The following ELSPBP1 variants were observed in gnomAD, a reference collection of about 807,000 sequenced individuals.
ELSPBP1 encodes the protein epididymal sperm binding protein 1.
Under a neutral mutation model 33.3 loss-of-function variants are expected in ELSPBP1, and 38 were observed. That is an observed-to-expected ratio of 1.14 (90% CI 0.88 to 1.50). The LOEUF is 1.50. ELSPBP1 is among the 40% of genes most tolerant of loss of function. The pLI, the probability that ELSPBP1 is intolerant of heterozygous loss-of-function variation, is 0.00. For synonymous variants in ELSPBP1, 85 were observed against 94.1 expected (o/e 0.90, Z 0.56); for missense variants, 267 against 263.5 (o/e 1.01, Z -0.09).
intron 1 of ELSPBP1, among the ~76,000 whole-genome samples, chr19:48,003,202 G>A (rs1296003156): frequency 2.0e-5 from 3 of 152,144 alleles, no homozygotes; most frequent in Non-Finnish European, 2.9e-5. Flanking sequence ...ATTTTGAATG[G>A]CCCCTAAAAT....
At chr19:47,996,781 A>C (rs1186579041) in intron 1 of ELSPBP1, among the ~76,000 whole-genome samples, 1 of 152,184 alleles carries the variant, frequency 6.6e-6, no homozygotes, top group Non-Finnish European at 1.5e-5. Context: ...TTTTCAGGAA[A>C]GTTTGAAAGC....
chr19:48,023,340 GGGAGGAAGGAAA>G (rs1967224384), intron 6 of ELSPBP1, among the ~76,000 whole-genome samples: 5 of 133,390 alleles, frequency 3.7e-5, no homozygotes, highest in Admixed American at 8.0e-5. Context: ...AAGGAAGGGA[GGGAGGAAGGAAA>G]GAAGGAAGGG....
intron 4 of ELSPBP1, among the ~76,000 whole-genome samples, 160 bp downstream of exon 4, chr19:48,016,199 G>C (rs1301739312): frequency 1.3e-5 from 2 of 152,226 alleles, no homozygotes; most frequent in African/African-American, 4.8e-5. Flanking sequence ...GACAACGACA[G>C]ACAGGGGTAT....
intron 1 of ELSPBP1, among the ~76,000 whole-genome samples, chr19:48,003,604 T>G (rs1426796807): frequency 6.6e-6 from 1 of 150,404 alleles, no homozygotes; most frequent in African/African-American, 2.4e-5. Flanking sequence ...TGGCACGATC[T>G]CGGCTCACTG....
intron 6 of ELSPBP1, among the ~76,000 whole-genome samples, chr19:48,024,036 AT>A (rs111833936): frequency 0.41 from 54,197 of 131,266 alleles, 11,109 homozygotes; most frequent in East Asian, 0.73. Flanking sequence ...ATGCCCAGCA[AT>A]TTTTTTTTTT....
At position 48,011,298 on chromosome 19, in the gene ELSPBP1, C is replaced by A. The variant is rs1967075365; in HGVS notation, c.70+2561C>A. Reference sequence around the variant, plus strand: ...ACGATGATGATCACCATGATAATGACAATAATGAGGTTGATAATGATGGTG... The same window carrying A: ...ACGATGATGATCACCATGATAATGAAAATAATGAGGTTGATAATGATGGTG... On this transcript the variant is annotated intron_variant, in intron 2 of 6. Coordinates refer to ENST00000339841, the MANE Select transcript of ELSPBP1 (RefSeq NM_022142.5). This position sits in a 1 kb window ranked among gnomAD's most constrained non-coding sequence, Gnocchi z 4.5. 6.7e-6 allele frequency among the ~76,000 whole-genome samples: 1 copy of A among 149,846 alleles called. No individual in the cohort carries two copies. The highest frequency in any genetic ancestry group is 2.1e-4 in the South Asian group (1 of 4,696).
At chr19:47,997,162 C>A (rs184344059) in intron 1 of ELSPBP1, among the ~76,000 whole-genome samples, 4 of 152,136 alleles carry the variant, frequency 2.6e-5, no homozygotes, top group Admixed American at 2.6e-4. Flanking sequence ...CAAGAGGCCC[C>A]GGCACAGCGC....
At chr19:48,014,415 A>G in intron 3 of ELSPBP1, 107 bp downstream of exon 3, 3 of 1,285,902 alleles carry the variant, frequency 2.3e-6, no homozygotes, top group Non-Finnish European at 3.2e-6. Context: ...GACAAACGGT[A>G]ATACGTATGC....
intron 5 of ELSPBP1, 36 bp downstream of exon 5, chr19:48,019,913 G>A: frequency 1.3e-6 from 2 of 1,593,922 alleles, no homozygotes. Flanking sequence ...GGTGTGGGTG[G>A]AGTCTTTCTT....
intron 1 of ELSPBP1, among the ~76,000 whole-genome samples, chr19:47,997,270 AT>A (rs1365092861): frequency 3.0e-4 from 45 of 152,272 alleles, no homozygotes; most frequent in African/African-American, 1.0e-3. Flanking sequence ...CAGATTTTTC[AT>A]TTTGTGATTT....
chr19:48,008,884 C>A, intron 2 of ELSPBP1, 147 bp downstream of exon 2: 1 of 666,456 alleles, frequency 1.5e-6, no homozygotes, highest in Non-Finnish European at 2.6e-6. Flanking sequence ...ACCTGTAATC[C>A]CAGCACTTTG....
intron 2 of ELSPBP1, among the ~76,000 whole-genome samples, chr19:48,013,265 G>A (rs557499705): frequency 3.3e-5 from 5 of 152,248 alleles, no homozygotes; most frequent in African/African-American, 4.8e-5. Context: ...AACACACCAC[G>A]GTTGTCTTGG....
At chr19:48,004,752 A>G (rs2122297693) in intron 1 of ELSPBP1, among the ~76,000 whole-genome samples, 1 of 152,304 alleles carries the variant, frequency 6.6e-6, no homozygotes, top group African/African-American at 2.4e-5. Context: ...TCTTCGCTTC[A>G]TATCTGTCTC....
At chr19:47,996,839 G>T (rs1309769600) in intron 1 of ELSPBP1, among the ~76,000 whole-genome samples, 1 of 152,064 alleles carries the variant, frequency 6.6e-6, no homozygotes, top group Non-Finnish European at 1.5e-5. Flanking sequence ...TTCTCAAAAT[G>T]TTTGCTTAAT....
At chr19:48,005,791 A>C (rs1172928317) in intron 1 of ELSPBP1, among the ~76,000 whole-genome samples, 1 of 152,142 alleles carries the variant, frequency 6.6e-6, no homozygotes, top group African/African-American at 2.4e-5. Context: ...TTCACTTGCA[A>C]GTTCTCCAAC....
chr19:48,001,631 A>C (rs374376329), intron 1 of ELSPBP1, among the ~76,000 whole-genome samples: 3 of 145,416 alleles, frequency 2.1e-5, no homozygotes, highest in African/African-American at 7.7e-5. Context: ...CAGCCTCAAA[A>C]CCCTGGGTGC....
intron 1 of ELSPBP1, among the ~76,000 whole-genome samples, chr19:47,995,373 G>T (rs73565555): frequency 6.6e-6 from 1 of 152,194 alleles, no homozygotes; most frequent in Non-Finnish European, 1.5e-5. Flanking sequence ...AAGGGAACAA[G>T]TTACCTGTTA....
intron 2 of ELSPBP1, among the ~76,000 whole-genome samples, chr19:48,013,240 G>A (rs1001199762): frequency 2.6e-5 from 4 of 152,182 alleles, no homozygotes; most frequent in Admixed American, 2.6e-4. Context: ...CTGAGAAACA[G>A]TGGTCTCAAG....
At chr19:48,004,634 TCAGAG>T (rs1267077721) in intron 1 of ELSPBP1, among the ~76,000 whole-genome samples, 1 of 152,174 alleles carries the variant, frequency 6.6e-6, no homozygotes, top group Non-Finnish European at 1.5e-5. Context: ...CTGTCATTTC[TCAGAG>T]CACCCTCCCC....
Sources: gnomAD v4.1 joint callset for allele counts (sites outside exome capture counted in the v4.1 genomes callset) on GRCh38, gnomAD v4.1.1 for gene constraint, Gnocchi (gnomAD v3.1) non-coding constraint, MANE v1.5 for transcripts, NCBI Gene and HGNC (gene_info 2026-07-23, HGNC 2026-07-21) for gene names.